MYH16: variants seen among roughly 807,000 people sequenced by gnomAD.
MYH16 encodes myosin heavy chain 16, also known as putative uncharacterized protein MYH16.
downstream of MYH16, among the ~76,000 whole-genome samples, chr7:99,309,322 C>A (rs1333125855): frequency 6.6e-6 from 1 of 152,162 alleles, no homozygotes; most frequent in Non-Finnish European, 1.5e-5. Context: ...AGTTTCCCTG[C>A]TCAGTTACGA....
chr7:99,303,359 C>T (rs1156660732), intron 39 of MYH16, among the ~76,000 whole-genome samples, 169 bp downstream of exon 20: 1 of 152,238 alleles, frequency 6.6e-6, no homozygotes, highest in Non-Finnish European at 1.5e-5. Flanking sequence ...CAAGGCTTTT[C>T]TAAAAAAGCC....
At chr7:99,281,884 T>C (rs1162897023) in intron 23 of MYH16, among the ~76,000 whole-genome samples, 1 of 152,072 alleles carries the variant, frequency 6.6e-6, no homozygotes, top group East Asian at 1.9e-4. Flanking sequence ...TGTTTGCTGA[T>C]ACCGTGAATC....
In MYH16 at chr7:99,260,202, C is replaced by T. The variant is rs138716053; in HGVS notation, n.1443C>T. ...AGCAGCTATGCATCAACTTCACCAA[C>T]GAGAAGCTGCAGCAGTTCTTCAACC... On this transcript the variant is annotated non_coding_transcript_exon_variant, in exon 12 of 42. Transcript: ENST00000439784. 1,126 of 1,610,546 alleles carry T rather than the reference C, an allele frequency of 7.0e-4. 12 individuals are homozygous for T. The East Asian group carries it at 0.024, about 34-fold the overall frequency.
chr7:99,253,433 C>A (rs1791834882), intron 7 of MYH16: 1 of 152,106 alleles, frequency 6.6e-6, no homozygotes, highest in African/African-American at 2.4e-5. Context: ...GACCCTGTCT[C>A]TAAAAATAAT....
chr7:99,252,677 A>C (rs1367310934), intron 6 of MYH16: 1 of 152,440 alleles, frequency 6.6e-6, no homozygotes, highest in Non-Finnish European at 1.5e-5. Flanking sequence ...CTTCGTGGGA[A>C]ATCCGATACT....
At chr7:99,248,820 C>T (rs1031823823) in intron 3 of MYH16, among the ~76,000 whole-genome samples, 2 of 152,186 alleles carry the variant, frequency 1.3e-5, no homozygotes, top group African/African-American at 2.4e-5. Context: ...GGGATGGGCA[C>T]GTGGCCACAG....
chr7:99,273,397 T>C (rs1179026836), exon 20 of MYH16: 1 of 456,750 alleles, frequency 2.2e-6, no homozygotes, highest in Non-Finnish European at 4.4e-6. Flanking sequence ...GCTCCGTTTC[T>C]GGGGCTGGTG....
intron 19 of MYH16, 115 bp from the exon 2 acceptor site, chr7:99,273,227 G>C: frequency 2.4e-6 from 1 of 416,584 alleles, no homozygotes; most frequent in Non-Finnish European, 4.9e-6. Flanking sequence ...AGGCACTTTG[G>C]TGTCTGAACA....
chr7:99,300,925 T>C (rs1003905150), intron 37 of MYH16, among the ~76,000 whole-genome samples: 1 of 152,044 alleles, frequency 6.6e-6, no homozygotes, highest in African/African-American at 2.4e-5. Context: ...CCAGGCGCAG[T>C]AGCTCACGCC....
chr7:99,246,500 G>C (rs1050050708), intron 2 of MYH16, among the ~76,000 whole-genome samples: 1 of 152,278 alleles, frequency 6.6e-6, no homozygotes, highest in East Asian at 1.9e-4. Context: ...TCAGGAGTTT[G>C]TGACCAGCCT....
chr7:99,254,271 G>T (rs941691707), intron 8 of MYH16: 4 of 152,222 alleles, frequency 2.6e-5, no homozygotes, highest in Non-Finnish European at 2.9e-5. Flanking sequence ...GAAAAGAAAA[G>T]AAAATTCATG....
intron 33 of MYH16, among the ~76,000 whole-genome samples, chr7:99,295,214 A>T (rs1020771454): frequency 3.3e-5 from 5 of 151,886 alleles, no homozygotes; most frequent in Admixed American, 3.3e-4. Context: ...TCCCGTCTCT[A>T]ATAAAATACA....
chr7:99,300,834 C>A (rs151043360), intron 37 of MYH16, among the ~76,000 whole-genome samples: 1 of 151,962 alleles, frequency 6.6e-6, no homozygotes, highest in African/African-American at 2.4e-5. Flanking sequence ...AACAGACAAA[C>A]ATCCCCAAGC....
At chr7:99,302,308 A>AT (rs1270001982) in intron 38 of MYH16, among the ~76,000 whole-genome samples, 1 of 119,016 alleles carries the variant, frequency 8.4e-6, no homozygotes, top group African/African-American at 4.6e-5. Flanking sequence ...TCAAAAAAAA[A>AT]AAAATATATA....
chr7:99,297,879 A>G lies in MYH16; in HGVS notation n.4637-13A>G, dbSNP rs968188599. The G allele has an allele frequency of 4.4e-6, 2 of 456,628 alleles. No homozygotes were observed. The highest frequency in any genetic ancestry group is 2.3e-5 in the Admixed American group (1 of 42,564). The allele number at this position is 456,628 out of a possible 1,614,324, so 28.3% of individuals were successfully genotyped here. A position where few individuals can be genotyped will look rare whatever the true frequency, so the allele number is the denominator to read the frequency against. On this transcript the variant is annotated splice_polypyrimidine_tract_variant and intron_variant and non_coding_transcript_variant, in intron 35 of 41. Coordinates refer to ENST00000439784, the Ensembl canonical transcript of MYH16. ...TTCTTGGCCAGAAAGACTCATGGTT[A>G]TATTTCTGGTAGGTTGAAGAGAGCA...
intron 23 of MYH16, among the ~76,000 whole-genome samples, chr7:99,282,246 G>A (rs555403619): frequency 6.6e-6 from 1 of 152,004 alleles, no homozygotes; most frequent in Non-Finnish European, 1.5e-5. Context: ...GGCAGGCCTC[G>A]AACTCCTGAC....
At chr7:99,285,976 G>T (rs1252071593) in intron 27 of MYH16, among the ~76,000 whole-genome samples, 2 of 152,236 alleles carry the variant, frequency 1.3e-5, no homozygotes, top group Non-Finnish European at 2.9e-5. Context: ...CGCCCAGTGT[G>T]GGCAAGACAG....
At chr7:99,310,130 G>A (rs1792740135), downstream of MYH16, among the ~76,000 whole-genome samples, 1 of 152,206 alleles carries the variant, frequency 6.6e-6, no homozygotes, top group Admixed American at 6.5e-5. Context: ...TCACCAGGCA[G>A]AGGAGAGAAG....
At chr7:99,257,071 T>C (rs1435129427) in intron 9 of MYH16, among the ~76,000 whole-genome samples, 1 of 152,250 alleles carries the variant, frequency 6.6e-6, no homozygotes, top group African/African-American at 2.4e-5. Flanking sequence ...ATTTTGCAGA[T>C]GACGAAACAG....
Sources: gnomAD v4.1 joint callset for allele counts (sites outside exome capture counted in the v4.1 genomes callset) on GRCh38, gnomAD v4.1.1 for gene constraint, MANE v1.5 for transcripts, NCBI Gene and HGNC (gene_info 2026-07-23, HGNC 2026-07-21) for gene names.